CFTR: variants seen among roughly 807,000 people sequenced by gnomAD.
The protein encoded by CFTR is cystic fibrosis transmembrane conductance regulator.
Under a neutral mutation model 171.6 loss-of-function variants are expected in CFTR, and 181 were observed. That is an observed-to-expected ratio of 1.05 (90% CI 0.93 to 1.19). The LOEUF (loss-of-function observed/expected upper bound fraction) is 1.19, where lower values mean the gene tolerates loss of function less well. Ranked by LOEUF, CFTR falls within the 50% of genes most tolerant of loss-of-function variation. CFTR has a pLI of 0.00. For synonymous variants in CFTR, 583 were observed against 608.0 expected, an observed-to-expected ratio of 0.96 and a Z score of 0.60; for missense variants, 1,968 against 1,734.7, an observed-to-expected ratio of 1.13 and a Z score of -2.39.
At chr7:117,557,049 C>T (rs1466714104) in intron 10 of CFTR, among the ~76,000 whole-genome samples, 4 of 151,638 alleles carry the variant, frequency 2.6e-5, no homozygotes, top group African/African-American at 7.3e-5. Flanking sequence ...AGATGTTTGA[C>T]GCTTTTTTAA....
intron 3 of CFTR, among the ~76,000 whole-genome samples, chr7:117,511,048 A>ATATAAT (rs1562884549): frequency 6.6e-6 from 1 of 152,128 alleles, no homozygotes; most frequent in Non-Finnish European, 1.5e-5. Flanking sequence ...TGCTATTAAT[A>ATATAAT]TATAATTATA....
At chr7:117,556,909 T>C (rs1437925331) in intron 10 of CFTR, among the ~76,000 whole-genome samples, 1 of 152,198 alleles carries the variant, frequency 6.6e-6, no homozygotes, top group Non-Finnish European at 1.5e-5. Flanking sequence ...AAGCTTTCCA[T>C]GAATTAGCTT....
chr7:117,576,343 A>G (rs1383577042), intron 11 of CFTR, among the ~76,000 whole-genome samples: 1 of 152,186 alleles, frequency 6.6e-6, no homozygotes, highest in African/African-American at 2.4e-5. Flanking sequence ...TCCCTAAACA[A>G]TATAGTATAA....
At chr7:117,488,104 G>A (rs956095599) in intron 1 of CFTR, among the ~76,000 whole-genome samples, 3 of 152,066 alleles carry the variant, frequency 2.0e-5, no homozygotes, top group Non-Finnish European at 4.4e-5. Flanking sequence ...ACTTTTTTGT[G>A]TAAAGGGCTA....
At position 117,531,134 on chromosome 7, in the gene CFTR, GC is replaced by G; in HGVS notation, c.489+24del. On this transcript the variant is annotated intron_variant, in intron 4 of 26. Coordinates refer to ENST00000003084, the MANE Select transcript of CFTR (RefSeq NM_000492.4). ...AAGAAGGTAATACTTCCTTGCACAGGCCCCATGGCACATATATTCTGTATCG... is the reference window on the plus strand; with the variant it reads ...AAGAAGGTAATACTTCCTTGCACAGGCCCATGGCACATATATTCTGTATCG... The G allele has an allele frequency of 6.5e-7, 1 of 1,546,746 alleles. No homozygotes were observed. The highest frequency in any genetic ancestry group is 8.9e-7 in the Non-Finnish European group (1 of 1,122,338).
intron 20 of CFTR, among the ~76,000 whole-genome samples, chr7:117,612,042 T>TATAC (rs1792411425): frequency 1.3e-5 from 1 of 74,928 alleles, no homozygotes; most frequent in African/African-American, 5.7e-5. Flanking sequence ...TATATATATA[T>TATAC]ATATATATAT....
intron 7 of CFTR, 61 bp from the exon 8 acceptor site, chr7:117,540,039 G>A: frequency 7.1e-7 from 1 of 1,415,486 alleles, no homozygotes; most frequent in Non-Finnish European, 9.8e-7. Flanking sequence ...TCCATTCCAA[G>A]ATCCCTGATA....
chr7:117,633,563 G>T lies in CFTR; in HGVS notation c.3717+5793G>T, dbSNP rs567468206. On this transcript the variant is annotated intron_variant, in intron 22 of 26. Transcript: ENST00000003084. The stretch of plus-strand genomic sequence containing the variant: ...AAGTAGTGGTGAGAGGGGATATCTT[G>T]GTCTTGTTCTTGATCTTAGTGGGAA... 6.0e-4 allele frequency among the ~76,000 whole-genome samples: 91 copies of T among 151,610 alleles called. No individual in the cohort carries two copies. Among genetic ancestry groups the T allele is most frequent in the Non-Finnish European group, 1.1e-3 (74 of 67,884 alleles).
chr7:117,611,413 A>G lies in CFTR; in HGVS notation c.3140-168A>G, dbSNP rs1334263184. ...AAGAGGGTAACTCATTAATAAAATAACAAATCATATCTATTCAAAGAATGG... is the reference window on the plus strand; with the variant it reads ...AAGAGGGTAACTCATTAATAAAATAGCAAATCATATCTATTCAAAGAATGG... On this transcript the variant is annotated intron_variant, in intron 19 of 26. Coordinates refer to ENST00000003084, the MANE Select transcript of CFTR (RefSeq NM_000492.4). Among the ~76,000 whole-genome samples, 6 of 152,210 alleles carry G rather than the reference A, an allele frequency of 3.9e-5. No homozygotes were observed. The East Asian group carries it at 9.6e-4, about 24-fold the overall frequency.
At chr7:117,537,305 A>G (rs1798974161) in intron 7 of CFTR, among the ~76,000 whole-genome samples, 1 of 152,228 alleles carries the variant, frequency 6.6e-6, no homozygotes, top group Admixed American at 6.5e-5. Context: ...TAAAGATTAT[A>G]TCCAACAAAG....
rs562376610 is a variant in CFTR, at chr7:117,626,928, A to G, written c.3469-594A>G. ...TCAAATATAACCCTTATATGCAATTATATTTTCCTTAGCACTAAAAATGAA... is the reference window on the plus strand; with the variant it reads ...TCAAATATAACCCTTATATGCAATTGTATTTTCCTTAGCACTAAAAATGAA... On this transcript the variant is annotated intron_variant, in intron 21 of 26. Transcript: ENST00000003084. 9.2e-5 allele frequency among the ~76,000 whole-genome samples: 14 copies of G among 152,234 alleles called. 1 individual carries two copies. In the South Asian group the frequency reaches 2.9e-3, roughly 32 times the overall value.
intron 26 of CFTR, among the ~76,000 whole-genome samples, chr7:117,665,967 G>GGTATTAAT (rs1218247508): frequency 6.6e-6 from 1 of 152,104 alleles, no homozygotes; most frequent in Non-Finnish European, 1.5e-5. Flanking sequence ...TCTGATTTAT[G>GGTATTAAT]GTATTAATGA....
At chr7:117,586,748 G>A (rs1202414042) in intron 11 of CFTR, among the ~76,000 whole-genome samples, 1 of 151,944 alleles carries the variant, frequency 6.6e-6, no homozygotes, top group Non-Finnish European at 1.5e-5. Flanking sequence ...GAATGTACAA[G>A]GATGGGAGGA....
At chr7:117,522,403 T>C (rs1379336795) in intron 3 of CFTR, among the ~76,000 whole-genome samples, 1 of 152,186 alleles carries the variant, frequency 6.6e-6, no homozygotes, top group Non-Finnish European at 1.5e-5. Flanking sequence ...GAGACTAAAA[T>C]AACACAGCCA....
chr7:117,544,431 C>A lies in CFTR; in HGVS notation c.1209+2323C>A, dbSNP rs369262389. On this transcript the variant is annotated intron_variant, in intron 9 of 26. Transcript: ENST00000003084. Reference sequence around the variant, plus strand: ...GTCTTTTCTCAGGATCTGTTCACCCCCAGTAGATAGCCTTGTCTCCCACAA... The same window carrying A: ...GTCTTTTCTCAGGATCTGTTCACCCACAGTAGATAGCCTTGTCTCCCACAA... 4.2e-4 allele frequency among the ~76,000 whole-genome samples: 64 copies of A among 152,276 alleles called. No individual in the cohort carries two copies. In the South Asian group the frequency reaches 0.013, roughly 31 times the overall value.
At chr7:117,521,251 A>T (rs1028979084) in intron 3 of CFTR, among the ~76,000 whole-genome samples, 38 of 152,104 alleles carry the variant, frequency 2.5e-4, no homozygotes, top group Admixed American at 1.8e-3. Flanking sequence ...TTCTATGCTG[A>T]TAATACTTCT....
At chr7:117,549,096 A>G (rs1257609145) in intron 10 of CFTR, among the ~76,000 whole-genome samples, 2 of 152,244 alleles carry the variant, frequency 1.3e-5, no homozygotes, top group African/African-American at 2.4e-5. Flanking sequence ...CGAGCATTCA[A>G]TAACTTTATT....
intron 26 of CFTR, 66 bp from the exon 27 acceptor site, chr7:117,666,841 AG>A: frequency 7.3e-7 from 1 of 1,360,712 alleles, no homozygotes; most frequent in South Asian, 1.2e-5. Context: ...AGCCTGTGCC[AG>A]TTTCTGTCCC....
chr7:117,490,902 A>G (rs1469047761), intron 1 of CFTR, among the ~76,000 whole-genome samples: 1 of 152,002 alleles, frequency 6.6e-6, no homozygotes, highest in African/African-American at 2.4e-5. Context: ...CCCCTTCCCA[A>G]TTGCACATCT....
Sources: gnomAD v4.1 joint callset for allele counts (sites outside exome capture counted in the v4.1 genomes callset) on GRCh38, gnomAD v4.1.1 for gene constraint, MANE v1.5 for transcripts, NCBI Gene and HGNC (gene_info 2026-07-23, HGNC 2026-07-21) for gene names.